Variants in TRAK1 observed in about 807,000 individuals in gnomAD.
TRAK1 encodes the protein trafficking kinesin-binding protein 1.
Under a neutral mutation model 92.1 loss-of-function variants are expected in TRAK1, and 33 were observed. The observed-to-expected ratio is 0.36, with a 90% CI of 0.27 to 0.48. TRAK1 has a LOEUF of 0.48. Ranked by LOEUF, TRAK1 falls within the 20% of genes least tolerant of loss-of-function variation. The pLI is 0.99. For missense variants in TRAK1, 1,123 were observed against 1,257.9 expected (o/e 0.89, Z 1.62); for synonymous variants, 521 against 517.3 (o/e 1.01, Z -0.10).
At chr3:42,142,981 G>C (rs146822673) in intron 2 of TRAK1, among the ~76,000 whole-genome samples, 1 of 152,118 alleles carries the variant, frequency 6.6e-6, no homozygotes, top group Non-Finnish European at 1.5e-5. Flanking sequence ...GGTGTTGCAG[G>C]TCCCTCTTGA....
At chr3:42,192,342 TCTC>T (rs1705893162) in intron 7 of TRAK1, among the ~76,000 whole-genome samples, 1 of 152,180 alleles carries the variant, frequency 6.6e-6, no homozygotes, top group Non-Finnish European at 1.5e-5. Context: ...TAAATATTTC[TCTC>T]CTCCTCTTCA....
chr3:42,014,686 G>C (rs1024423093), intron 1 of TRAK1, among the ~76,000 whole-genome samples: 4 of 152,198 alleles, frequency 2.6e-5, no homozygotes, highest in African/African-American at 9.6e-5. Flanking sequence ...CTTGAGGCTG[G>C]TGCTGGGTGC....
chr3:42,174,647 G>GTATATATATA (rs138493698), intron 2 of TRAK1, among the ~76,000 whole-genome samples: 2 of 146,656 alleles, frequency 1.4e-5, no homozygotes, highest in Non-Finnish European at 3.0e-5. Flanking sequence ...ATTTTTGTGT[G>GTATATATATA]TATATATATA....
chr3:42,050,911 C>T (rs1218628181), intron 1 of TRAK1, among the ~76,000 whole-genome samples: 1 of 152,180 alleles, frequency 6.6e-6, no homozygotes. Flanking sequence ...TTTATGGTCA[C>T]TTTGGTGGGA....
At chr3:42,190,358 A>G (rs1016854147) in intron 6 of TRAK1, among the ~76,000 whole-genome samples, 1 of 152,084 alleles carries the variant, frequency 6.6e-6, no homozygotes, top group Non-Finnish European at 1.5e-5. Flanking sequence ...TAAGATCTTC[A>G]TGTCCCGTCT....
intron 1 of TRAK1, among the ~76,000 whole-genome samples, chr3:42,069,697 G>A (rs1031621968): frequency 3.3e-5 from 5 of 152,078 alleles, no homozygotes; most frequent in Non-Finnish European, 7.4e-5. Flanking sequence ...TGAAAAATGT[G>A]CAGACATGAT....
intron 2 of TRAK1, chr3:42,160,422 G>C: frequency 1.9e-6 from 3 of 1,614,268 alleles, no homozygotes; most frequent in Non-Finnish European, 2.5e-6. Flanking sequence ...CCAGGATGAA[G>C]AGAGGAAGCC....
At position 42,066,672 on chromosome 3, in the gene TRAK1, A is replaced by G. The variant is rs57762731; in HGVS notation, c.-518-20432A>G. 1.7e-3 allele frequency among the ~76,000 whole-genome samples: 258 copies of G among 152,022 alleles called. 2 individuals carry two copies. Among genetic ancestry groups the G allele is most frequent in the African/African-American group, 5.6e-3 (234 of 41,456 alleles). ...TGTGTGTTTCCTGTTTTCATTTCCT[A>G]TCTTGCTATTACTTTTATGCATTGG... On this transcript the variant is annotated intron_variant, in intron 1 of 16. Coordinates refer to the TRAK1 transcript ENST00000487159.
intron 4 of TRAK1, among the ~76,000 whole-genome samples, chr3:42,186,000 T>TTTTTTTTTTTA (rs772612718): frequency 3.3e-5 from 1 of 30,082 alleles, no homozygotes; most frequent in Non-Finnish European, 7.7e-5. Flanking sequence ...TTTTTTTTTT[T>TTTTTTTTTTTA]GAGATAAGGT....
In TRAK1 at chr3:42,194,907, C is replaced by T. The variant is rs771476359; in HGVS notation, c.1079C>T (p.Ser360Phe). 6.1e-5 allele frequency: 99 copies of T among 1,613,844 alleles called. No individual in the cohort carries two copies. The South Asian group carries it at 7.3e-4, about 12-fold the overall frequency. Residue 360 changes from serine (S) to phenylalanine (F), a missense_variant, in exon 10 of 16, where the codon TCT becomes TTT. By Grantham distance (155) the Ser-to-Phe change is radical (BLOSUM62 -2). Around this residue, in one of 3 missense-constraint regions of TRAK1, gnomAD observed 686 missense variants for 747.6 expected, o/e 0.92. Coordinates refer to ENST00000327628, the MANE Select transcript of TRAK1 (RefSeq NM_001042646.3). ...AACAAAACCATGCCCAATACCACGT[C>T]TCGGCGCTACCACTCACTGGGCCTG... is the stretch of plus-strand genomic sequence containing the variant. Reference protein sequence around the residue: ...LRNKTMPNTTSRRYHSLGLFP... With the variant: ...LRNKTMPNTTFRRYHSLGLFP...
In TRAK1 at chr3:42,091,435, G is replaced by C. The variant is rs906261987; in HGVS notation, c.-35G>C. ...CTGAGCTCTCATGGAGGCTCTCTCT[G>C]TTCTCTGAAGTGCCTTTGGAGTTTA... On this transcript the variant is annotated 5_prime_UTR_variant, in exon 1 of 16. Transcript: ENST00000327628. 1 of 1,601,650 alleles carries C rather than the reference G, an allele frequency of 6.2e-7. No homozygotes were observed. The highest frequency in any genetic ancestry group is 1.1e-5 in the South Asian group (1 of 90,166).
chr3:42,088,031 A>T (rs1010693533), upstream of TRAK1, among the ~76,000 whole-genome samples: 1 of 152,220 alleles, frequency 6.6e-6, no homozygotes, highest in Non-Finnish European at 1.5e-5. Context: ...AGGGCTCTCA[A>T]TGGAAATGGT....
chr3:42,124,245 T>C (rs563564756), intron 1 of TRAK1, among the ~76,000 whole-genome samples: 2 of 152,346 alleles, frequency 1.3e-5, no homozygotes, highest in South Asian at 4.1e-4. Context: ...TCTCCTCTCC[T>C]GTCTAGTTGT....
At chr3:42,057,937 C>A (rs142280730) in intron 1 of TRAK1, among the ~76,000 whole-genome samples, 71 of 152,308 alleles carry the variant, frequency 4.7e-4, no homozygotes, top group African/African-American at 1.6e-3. Flanking sequence ...ATTTTAAATG[C>A]CTGTAAACCT....
intron 2 of TRAK1, among the ~76,000 whole-genome samples, chr3:42,171,121 A>T (rs1054153024): frequency 6.6e-6 from 1 of 151,904 alleles, no homozygotes; most frequent in African/African-American, 2.4e-5. Context: ...GGCCCTGAAT[A>T]TCTTTTCTAC....
intron 1 of TRAK1, among the ~76,000 whole-genome samples, chr3:42,123,586 C>T (rs999900919): frequency 6.6e-6 from 1 of 152,378 alleles, no homozygotes; most frequent in Non-Finnish European, 1.5e-5. Context: ...ATATGTAAGA[C>T]TGGGCCTTTC....
At chr3:42,072,402 A>G (rs1027527681) in intron 1 of TRAK1, among the ~76,000 whole-genome samples, 5 of 148,218 alleles carry the variant, frequency 3.4e-5, no homozygotes, top group Non-Finnish European at 5.9e-5. Context: ...TTGTAAACGA[A>G]GGAGGAGGCC....
At position 42,223,707 on chromosome 3, in the gene TRAK1, T is replaced by G; in HGVS notation, c.2832T>G (p.Ala944=). ...TCACCTCGGGCATCTTGATGGGTGC[T>G]AAGCTCTCCAAACAAACTAGCTTAC... ...VTLTSGILMG[A]KLSKQTSLR is the part of the protein sequence containing the mutation. The change falls in exon 16 of 16, where the codon GCT becomes GCG. Residue 944 remains alanine (A), a synonymous_variant. Coordinates refer to ENST00000327628, the MANE Select transcript of TRAK1 (RefSeq NM_001042646.3). The surrounding 1 kb of genome is among the most constrained non-coding windows in gnomAD (Gnocchi z 6.1). The G allele has an allele frequency of 1.2e-6, 2 of 1,608,864 alleles. No individual in the cohort carries two copies. Among genetic ancestry groups the G allele is most frequent in the Non-Finnish European group, 1.7e-6 (2 of 1,175,684 alleles).
At chr3:42,062,853 GGCTCT>G (rs1309450255) in intron 1 of TRAK1, among the ~76,000 whole-genome samples, 2 of 152,180 alleles carry the variant, frequency 1.3e-5, no homozygotes, top group African/African-American at 4.8e-5. Context: ...CTGTTTTCCA[GGCTCT>G]GCACTGCAGT....
Sources: allele counts gnomAD v4.1 joint callset (sites outside exome capture counted in the v4.1 genomes callset), GRCh38; gene constraint gnomAD v4.1.1; regional missense constraint gnomAD v4.1.1; non-coding constraint Gnocchi (gnomAD v3.1); transcripts MANE v1.5; gene names NCBI Gene and HGNC (gene_info 2026-07-23, HGNC 2026-07-21).